Variants in HSPBAP1 observed in about 807,000 individuals in gnomAD.
The protein encoded by HSPBAP1 is HSPB1-associated protein 1.
HSPBAP1 carries 27 observed loss-of-function variants against 45.2 expected under a neutral mutation model. The ratio of observed to expected loss-of-function variants is 0.60; its 90% CI spans 0.44 to 0.82. HSPBAP1 has a LOEUF of 0.82. Ranked by LOEUF, HSPBAP1 falls within the 40% of genes least tolerant of loss-of-function variation. The probability of loss-of-function intolerance (pLI) is 0.00; values close to 1 mark genes in which losing one functional copy is unlikely to be tolerated. For missense variants in HSPBAP1, 510 were observed against 590.9 expected (o/e 0.86, Z 1.42); for synonymous variants, 204 against 202.7 (o/e 1.01, Z -0.06).
chr3:122,766,904 C>T (rs181887936), intron 3 of HSPBAP1, among the ~76,000 whole-genome samples: 49 of 152,128 alleles, frequency 3.2e-4, no homozygotes, highest in Non-Finnish European at 6.3e-4. Flanking sequence ...AAAAATTCCC[C>T]CAAAAAGTAA....
rs552291108 is a variant in HSPBAP1, at chr3:122,793,049, G to C, written c.64+568C>G. ...AGTAAGTCATTCTTTTTCCTTTCTA[G>C]GCTCCTTTGGAAAAGGTATTGTTAT... On this transcript the variant is annotated intron_variant, in intron 1 of 7. Transcript: ENST00000306103. 5.3e-5 allele frequency among the ~76,000 whole-genome samples: 8 copies of C among 152,078 alleles called. No homozygotes were observed. The South Asian group carries it at 1.7e-3, about 32-fold the overall frequency.
At chr3:122,789,194 T>C (rs75345006) in intron 1 of HSPBAP1, among the ~76,000 whole-genome samples, 13,177 of 152,280 alleles carry the variant, frequency 0.087, 719 homozygotes, top group Middle Eastern at 0.18. Context: ...TCCAGTTATG[T>C]AGGAATGTTA....
chr3:122,743,151 T>C (rs1933726499), intron 6 of HSPBAP1, among the ~76,000 whole-genome samples: 1 of 152,228 alleles, frequency 6.6e-6, no homozygotes, highest in Non-Finnish European at 1.5e-5. Flanking sequence ...TTCCTTGTGA[T>C]AGTTGAAAAA....
At chr3:122,746,297 G>C in intron 6 of HSPBAP1, among the ~76,000 whole-genome samples, 1 of 138,686 alleles carries the variant, frequency 7.2e-6, no homozygotes, top group South Asian at 2.3e-4. Flanking sequence ...AAATCAAAAG[G>C]TTTTTTTTTT....
intron 4 of HSPBAP1, among the ~76,000 whole-genome samples, chr3:122,757,166 A>G (rs935598292): frequency 6.6e-6 from 1 of 152,244 alleles, no homozygotes; most frequent in African/African-American, 2.4e-5. Context: ...TCTATTAGAA[A>G]AGGTATTCAA....
intron 6 of HSPBAP1, 70 bp downstream of exon 6, chr3:122,752,521 G>T: frequency 1.1e-6 from 1 of 918,490 alleles, no homozygotes; most frequent in South Asian, 1.7e-5. Context: ...TGTACAGCCA[G>T]ACCTTATATA....
At chr3:122,763,876 C>T (rs1000121196) in intron 3 of HSPBAP1, among the ~76,000 whole-genome samples, 16 of 152,154 alleles carry the variant, frequency 1.1e-4, no homozygotes, top group Non-Finnish European at 1.8e-4. Context: ...TGGCTGATGC[C>T]GCCTGTCTGC....
rs752925738 is a variant in HSPBAP1 at position 122,759,439 on chromosome 3, C to T, written c.433-79G>A. 448 of 1,400,326 alleles carry T rather than the reference C, an allele frequency of 3.2e-4. 1 individual carries two copies. Among genetic ancestry groups the T allele is most frequent in the Non-Finnish European group, 4.1e-4 (415 of 1,005,586 alleles). 86.7% of individuals were successfully genotyped at this position (1,400,326 alleles called of 1,614,324 possible). A position where few individuals can be genotyped will look rare whatever the true frequency, so the allele number is the denominator to read the frequency against. ...GTAATGCTGCCCATTTTCACTTGCA[C>T]ATCTGTTATTTAGCAGTTGGAATAT... On this transcript the variant is annotated intron_variant, in intron 3 of 7. Transcript: ENST00000306103.
At position 122,755,437 on chromosome 3, in the gene HSPBAP1, T is replaced by TAAAAA. The variant is rs56210865; in HGVS notation, c.570-11_570-7dup. On this transcript the variant is annotated splice_polypyrimidine_tract_variant and splice_region_variant and intron_variant, in intron 4 of 7. Transcript: ENST00000306103. The stretch of plus-strand genomic sequence containing the variant: ...GAAAGAGATGCCATCGTTTCCTAAT[T>TAAAAA]AAAAAAAAAAAAAAAAGATACAAGT... 9.8e-3 allele frequency: 11,590 copies of TAAAAA among 1,179,496 alleles called. 27 individuals are homozygous for TAAAAA. Among genetic ancestry groups the TAAAAA allele is most frequent in the African/African-American group, 0.016 (922 of 58,298 alleles). The allele number at this position is 1,179,496 out of a possible 1,614,324, so 73.1% of individuals were successfully genotyped here.
At chr3:122,754,431 G>C (rs190163292) in intron 5 of HSPBAP1, 2 of 592,268 alleles carry the variant, frequency 3.4e-6, no homozygotes, top group East Asian at 2.7e-4. Flanking sequence ...TCCAGAATGG[G>C]CAAATCTAGA....
chr3:122,786,877 A>C (rs1935676556), intron 1 of HSPBAP1, among the ~76,000 whole-genome samples: 1 of 152,246 alleles, frequency 6.6e-6, no homozygotes, highest in Non-Finnish European at 1.5e-5. Context: ...CTGATAATTT[A>C]ATCAACAATA....
At chr3:122,754,765 G>T (rs1934281796) in intron 5 of HSPBAP1, 2 of 985,710 alleles carry the variant, frequency 2.0e-6, no homozygotes, top group African/African-American at 3.5e-5. Context: ...AAATGTTTCA[G>T]AGTTAGTAAT....
Position 122,755,431 on chromosome 3 carries a change from C to T in HSPBAP1, c.570G>A (p.Arg190=), listed in dbSNP as rs762197294. 2.9e-6 allele frequency: 4 copies of T among 1,364,506 alleles called. No individual in the cohort carries two copies. The highest frequency in any genetic ancestry group is 1.6e-5 in the South Asian group (1 of 62,258). 84.5% of individuals were successfully genotyped at this position (1,364,506 alleles called of 1,614,324 possible). ...GCNLVFQVQG[R]KRWHLFPPED... ...CAGGAGGAAAGAGATGCCATCGTTT[C>T]CTAATTAAAAAAAAAAAAAAAAGAT... is the stretch of plus-strand genomic sequence containing the variant. Residue 190 remains arginine, a splice_region_variant and synonymous_variant, in exon 5 of 8, where the codon AGG becomes AGA. Coordinates refer to ENST00000306103, the MANE Select transcript of HSPBAP1 (RefSeq NM_024610.6).
chr3:122,780,283 G>A (rs1576271318), intron 1 of HSPBAP1, among the ~76,000 whole-genome samples: 1 of 99,206 alleles, frequency 1.0e-5, no homozygotes, highest in Admixed American at 9.5e-5. Flanking sequence ...CGGGCGGGGG[G>A]CTGACCCCCC....
At chr3:122,752,740 C>A in intron 5 of HSPBAP1, 66 bp from the exon 6 acceptor site, 1 of 1,457,390 alleles carries the variant, frequency 6.9e-7, no homozygotes, top group Non-Finnish European at 9.3e-7. Context: ...CAGAATCAGA[C>A]CCTAATTGAG....
intron 1 of HSPBAP1, among the ~76,000 whole-genome samples, chr3:122,786,258 A>G (rs1246286400): frequency 6.6e-6 from 1 of 152,186 alleles, no homozygotes; most frequent in African/African-American, 2.4e-5. Context: ...GGCTGGATGA[A>G]TCATGGCTGG....
At chr3:122,774,451 CAGAA>C (rs1935118105) in intron 2 of HSPBAP1, among the ~76,000 whole-genome samples, 1 of 152,196 alleles carries the variant, frequency 6.6e-6, no homozygotes, top group Non-Finnish European at 1.5e-5. Context: ...CCTGGAAATA[CAGAA>C]ACTGAAAAAT....
intron 1 of HSPBAP1, among the ~76,000 whole-genome samples, chr3:122,781,237 C>G (rs1219532495): frequency 6.6e-6 from 1 of 152,062 alleles, no homozygotes; most frequent in African/African-American, 2.4e-5. Flanking sequence ...GAGCCGAGAT[C>G]ACGCCACTGC....
intron 6 of HSPBAP1, among the ~76,000 whole-genome samples, chr3:122,752,064 T>C (rs1934168814): frequency 6.6e-6 from 1 of 152,120 alleles, no homozygotes. Context: ...AATTGTCAAA[T>C]AGAGCAGGCA....
Sources: gnomAD v4.1 joint callset for allele counts (sites outside exome capture counted in the v4.1 genomes callset) on GRCh38, gnomAD v4.1.1 for gene constraint, MANE v1.5 for transcripts, NCBI Gene and HGNC (gene_info 2026-07-23, HGNC 2026-07-21) for gene names.